Variants in TMEM129 observed in about 807,000 individuals in gnomAD.
TMEM129 encodes the protein transmembrane protein 129, E3 ubiquitin ligase, also known as E3 ubiquitin-protein ligase TM129.
A neutral mutation model predicts 34.1 loss-of-function variants in TMEM129; 35 were observed. That is an observed-to-expected ratio of 1.03 (90% confidence interval 0.78 to 1.36). The LOEUF is 1.36. Ranked by LOEUF, TMEM129 falls within the 40% of genes most tolerant of loss-of-function variation. The pLI, the probability that TMEM129 is intolerant of heterozygous loss-of-function variation, is 0.00. For missense variants in TMEM129, 504 were observed against 512.6 expected, an observed-to-expected ratio of 0.98 and a Z score of 0.16; for synonymous variants, 239 against 217.3, an observed-to-expected ratio of 1.10 and a Z score of -0.88.
chr4:1,718,932 C>A (rs1717127728), intron 1 of TMEM129: 24 of 1,266,550 alleles, frequency 1.9e-5, no homozygotes, highest in South Asian at 1.1e-4. Context: ...GCAGAGCTGA[C>A]CCCTGGCCTG....
At chr4:1,719,884 C>T (rs956846117) in intron 1 of TMEM129, among the ~76,000 whole-genome samples, 1 of 152,216 alleles carries the variant, frequency 6.6e-6, no homozygotes, top group African/African-American at 2.4e-5. Context: ...CATCCTCAAA[C>T]CAGGATGTGG....
chr4:1,718,522 G>A lies in TMEM129; in HGVS notation c.310C>T (p.Pro104Ser), dbSNP rs377429551. 5 of 1,525,972 alleles carry A rather than the reference G, an allele frequency of 3.3e-6. No homozygotes were observed. In the African/African-American group the frequency reaches 4.1e-5, roughly 13 times the overall value. The allele number at this position is 1,525,972 out of a possible 1,614,324, so 94.5% of individuals were successfully genotyped here. ...TAGATCAGGATGCAGGCGATGGAGG[G>A]GAGGGTCACGGCCAGCAGCAGGAAG... ...RLFLLLAVTL[P>S]SIACILIYYW... Residue 104 changes from proline to serine, a missense_variant, in exon 2 of 4, where the codon CCC (proline) becomes TCC (serine). Transcript: ENST00000382936.
In TMEM129 at chr4:1,717,267, C is replaced by T. The variant is rs1461772228; in HGVS notation, c.1002G>A (p.Leu334=). The change falls in exon 4 of 4, where the codon CTG becomes CTA. Residue 334 remains leucine, a synonymous_variant. Transcript: ENST00000382936. ...GKWFASRQDP[L]RPDTWLASRV... is the part of the protein sequence containing the mutation. ...GGCTGGCCAGCCAGGTGTCAGGGCGCAGGGGGTCCTGGCGGCTGGCGAACC... is the reference window on the plus strand; with the variant it reads ...GGCTGGCCAGCCAGGTGTCAGGGCGTAGGGGGTCCTGGCGGCTGGCGAACC... The T allele has an allele frequency of 1.3e-6, 2 of 1,528,486 alleles. No homozygotes were observed. The highest frequency in any genetic ancestry group is 1.7e-4 in the Middle Eastern group (1 of 5,790). The allele number at this position is 1,528,486 out of a possible 1,614,324, so 94.7% of individuals were successfully genotyped here.
At position 1,720,674 on chromosome 4, in the gene TMEM129, C is replaced by T; in HGVS notation, c.164G>A (p.Arg55His). 1 of 1,548,732 alleles carries T rather than the reference C, an allele frequency of 6.5e-7. No homozygotes were observed. The highest frequency in any genetic ancestry group is 1.2e-5 in the South Asian group (1 of 84,186). ...GTGGCACAACAGCGTGGCGGCCGTG[C>T]GGCGCAAGTGGAAGGGCACGAAGGC... The part of the protein sequence containing the change: ...DAAFVPFHLR[R>H]TAATLLCHSL... The change falls in exon 1 of 4, where the codon CGC becomes CAC. Residue 55 changes from arginine to histidine, a missense_variant. Coordinates refer to ENST00000382936, the MANE Select transcript of TMEM129 (RefSeq NM_001127266.2). The surrounding 1 kb of genome is among the most constrained non-coding windows in gnomAD (Gnocchi z 4.4).
At position 1,718,564 on chromosome 4, in the gene TMEM129, G is replaced by C. The variant is rs1045025524; in HGVS notation, c.268C>G (p.Pro90Ala). 6.7e-7 allele frequency: 1 copy of C among 1,483,730 alleles called. No homozygotes were observed. Among genetic ancestry groups the C allele is most frequent in the Non-Finnish European group, 9.0e-7 (1 of 1,114,594 alleles). The allele number at this position is 1,483,730 out of a possible 1,614,324, so 91.9% of individuals were successfully genotyped here. A position where few individuals can be genotyped will look rare whatever the true frequency, so the allele number is the denominator to read the frequency against. ...EKRLHALSQA[P>A]EAWRLFLLLA... Reference sequence around the variant, plus strand: ...AGCAGGAAGAGCCGCCAGGCCTCAGGGGCCTGGCTGAGGGCGTGGAGCCGC... The same window carrying C: ...AGCAGGAAGAGCCGCCAGGCCTCAGCGGCCTGGCTGAGGGCGTGGAGCCGC... The change falls in exon 2 of 4, where the codon CCT becomes GCT. Residue 90 changes from proline to alanine, a missense_variant. Physicochemically the swap from Pro to Ala is conservative, Grantham distance 27. Coordinates refer to ENST00000382936, the MANE Select transcript of TMEM129 (RefSeq NM_001127266.2).
chr4:1,718,108 C>A (rs377498354), intron 2 of TMEM129, 44 bp downstream of exon 2: 88 of 1,480,612 alleles, frequency 5.9e-5, no homozygotes, highest in Non-Finnish European at 7.8e-5. Flanking sequence ...CTGGCTCTGG[C>A]CTGCCATGTG....
Position 1,721,136 on chromosome 4 carries a change from C to T in TMEM129, c.-299G>A. On this transcript the variant is annotated 5_prime_UTR_variant, in exon 1 of 4. Transcript: ENST00000382936. ...CGCTCGCGGGGCGCTCTGGGAGATG[C>T]AGTCCCCGTGCGGGTGCGGCCTCTC... The T allele has an allele frequency of 8.5e-6, 2 of 236,646 alleles. No individual in the cohort carries two copies. Among genetic ancestry groups the T allele is most frequent in the Admixed American group, 5.8e-5 (1 of 17,286 alleles). 14.7% of individuals were successfully genotyped at this position (236,646 alleles called of 1,614,324 possible).
At position 1,720,494 on chromosome 4, in the gene TMEM129, T is replaced by C; in HGVS notation, c.205+139A>G. The C allele has an allele frequency of 8.7e-7, 1 of 1,154,778 alleles. No homozygotes were observed. The allele number at this position is 1,154,778 out of a possible 1,614,324, so 71.5% of individuals were successfully genotyped here. ...CGCGCTCAGCCCACGCCGCGGTCCC[T>C]CTGGATGAGGACCGGCGCCTCTCCC... On this transcript the variant is annotated intron_variant, in intron 1 of 3. Coordinates refer to ENST00000382936, the MANE Select transcript of TMEM129 (RefSeq NM_001127266.2). The surrounding 1 kb of genome is among the most constrained non-coding windows in gnomAD (Gnocchi z 4.4).
At chr4:1,719,753 C>A (rs988205996) in intron 1 of TMEM129, among the ~76,000 whole-genome samples, 1 of 152,146 alleles carries the variant, frequency 6.6e-6, no homozygotes, top group South Asian at 2.1e-4. Context: ...CTGGTCAGGG[C>A]CCCAGCCCCA....
chr4:1,719,760 C>T (rs1717183465), intron 1 of TMEM129, among the ~76,000 whole-genome samples: 1 of 152,138 alleles, frequency 6.6e-6, no homozygotes, highest in Non-Finnish European at 1.5e-5. Flanking sequence ...GGGCCCCAGC[C>T]CCACTCAGCC....
intron 1 of TMEM129, chr4:1,719,149 C>G: frequency 1.2e-6 from 1 of 860,486 alleles, no homozygotes; most frequent in Non-Finnish European, 1.7e-6. Flanking sequence ...TCCAAATAAG[C>G]CATGGAGATG....
In TMEM129 at chr4:1,718,220, G is replaced by C; in HGVS notation, c.612C>G (p.Asn204Lys). ...GGATGGTGAGGAGCTGCACGGGCAA[G>C]TTCGAGTCTGGCGAGAGCTCATGCT... ...SRQHELSPDS[N>K]LPVQLLTIRV... The change falls in exon 2 of 4, where the codon AAC becomes AAG. Residue 204 changes from asparagine (N) to lysine (K), a missense_variant. Coordinates refer to ENST00000382936, the MANE Select transcript of TMEM129 (RefSeq NM_001127266.2). The C allele has an allele frequency of 1.9e-6, 3 of 1,599,186 alleles. No homozygotes were observed. The highest frequency in any genetic ancestry group is 1.7e-6 in the Non-Finnish European group (2 of 1,172,916).
chr4:1,719,268 T>C (rs999956024), intron 1 of TMEM129: 7 of 456,730 alleles, frequency 1.5e-5, no homozygotes, highest in Middle Eastern at 3.2e-4. Context: ...AATAGGTAAC[T>C]AGGGGCCGGG....
chr4:1,720,786 A>T lies in TMEM129; in HGVS notation c.52T>A (p.Cys18Ser), dbSNP rs1338957868. The change falls in exon 1 of 4, where the codon TGC becomes AGC. Residue 18 changes from cysteine (C) to serine (S), a missense_variant. Transcript: ENST00000382936. This position sits in a 1 kb window ranked among gnomAD's most constrained non-coding sequence, Gnocchi z 4.4. ...FTLAYLVFAV[C>S]FVFTPNEFHA... ...AACTCGTTGGGCGTGAACACGAAGC[A>T]CACGGCGAACACCAGATAGGCGAGA... 6.3e-7 allele frequency: 1 copy of T among 1,595,362 alleles called. No individual in the cohort carries two copies. The highest frequency in any genetic ancestry group is 8.5e-7 in the Non-Finnish European group (1 of 1,172,198).
At position 1,718,033 on chromosome 4, in the gene TMEM129, G is replaced by A. The variant is rs535048528; in HGVS notation, c.680+119C>T. 6 of 956,470 alleles carry A rather than the reference G, an allele frequency of 6.3e-6. 1 individual carries two copies. The African/African-American group carries it at 9.9e-5, about 16-fold the overall frequency. 59.2% of individuals were successfully genotyped at this position (956,470 alleles called of 1,614,324 possible). A position where few individuals can be genotyped will look rare whatever the true frequency, so the allele number is the denominator to read the frequency against. ...GGACACCTTGCCTGGTGTCACACAAGCCCAGGAGTGTTGGAGTCCACACCA... is the reference window on the plus strand; with the variant it reads ...GGACACCTTGCCTGGTGTCACACAAACCCAGGAGTGTTGGAGTCCACACCA... On this transcript the variant is annotated intron_variant, in intron 2 of 3. Coordinates refer to ENST00000382936, the MANE Select transcript of TMEM129 (RefSeq NM_001127266.2).
In TMEM129 at chr4:1,720,408, G is replaced by A. The variant is rs1717241548; in HGVS notation, c.205+225C>T. Reference sequence around the variant, plus strand: ...GACTTGGTGGGCCGGAGCATCCCTTGCCCAAGGTTCTGAACTTGGGTTCCC... The same window carrying A: ...GACTTGGTGGGCCGGAGCATCCCTTACCCAAGGTTCTGAACTTGGGTTCCC... On this transcript the variant is annotated intron_variant, in intron 1 of 3. Coordinates refer to ENST00000382936, the MANE Select transcript of TMEM129 (RefSeq NM_001127266.2). This position sits in a 1 kb window ranked among gnomAD's most constrained non-coding sequence, Gnocchi z 4.4. Among the ~76,000 whole-genome samples, 1 of 152,258 alleles carries A rather than the reference G, an allele frequency of 6.6e-6. No individual in the cohort carries two copies.
At position 1,717,084 on chromosome 4, in the gene TMEM129, A is replaced by G; in HGVS notation, c.*96T>C. The G allele has an allele frequency of 7.4e-7, 1 of 1,358,794 alleles. No individual in the cohort carries two copies. Among genetic ancestry groups the G allele is most frequent in the Non-Finnish European group, 9.5e-7 (1 of 1,050,990 alleles). The allele number at this position is 1,358,794 out of a possible 1,614,324, so 84.2% of individuals were successfully genotyped here. A position where few individuals can be genotyped will look rare whatever the true frequency, so the allele number is the denominator to read the frequency against. On this transcript the variant is annotated 3_prime_UTR_variant, in exon 4 of 4. Coordinates refer to ENST00000382936, the MANE Select transcript of TMEM129 (RefSeq NM_001127266.2). ...GAGTTGCTCTACATCATGTGCTTTA[A>G]GTAGAGCCCTTTGCCAGCCAGGAGG...
rs1330590168 is a variant in TMEM129 at position 1,716,140 on chromosome 4, G to A, written c.*1040C>T. On this transcript the variant is annotated 3_prime_UTR_variant, in exon 4 of 4. Transcript: ENST00000382936. ...GGCCCCTGCTGCCTTCACCTGCTGAGCGCTCTAGGAAGCCTCCCAAATCCC... is the reference window on the plus strand; with the variant it reads ...GGCCCCTGCTGCCTTCACCTGCTGAACGCTCTAGGAAGCCTCCCAAATCCC... 3.3e-5 allele frequency: 5 copies of A among 152,292 alleles called. No individual in the cohort carries two copies. The highest frequency in any genetic ancestry group is 7.3e-5 in the Non-Finnish European group (5 of 68,094). 9.4% of individuals were successfully genotyped at this position (152,292 alleles called of 1,614,324 possible). A position where few individuals can be genotyped will look rare whatever the true frequency, so the allele number is the denominator to read the frequency against.
chr4:1,720,494 T>A lies in TMEM129; in HGVS notation c.205+139A>T. ...CGCGCTCAGCCCACGCCGCGGTCCC[T>A]CTGGATGAGGACCGGCGCCTCTCCC... On this transcript the variant is annotated intron_variant, in intron 1 of 3. Coordinates refer to ENST00000382936, the MANE Select transcript of TMEM129 (RefSeq NM_001127266.2). This position sits in a 1 kb window ranked among gnomAD's most constrained non-coding sequence, Gnocchi z 4.4. 8.7e-7 allele frequency: 1 copy of A among 1,154,776 alleles called. No homozygotes were observed. The highest frequency in any genetic ancestry group is 1.2e-6 in the Non-Finnish European group (1 of 848,652). 71.5% of individuals were successfully genotyped at this position (1,154,776 alleles called of 1,614,324 possible).
Sources: gnomAD v4.1 joint callset for allele counts (sites outside exome capture counted in the v4.1 genomes callset) on GRCh38, gnomAD v4.1.1 for gene constraint, Gnocchi (gnomAD v3.1) non-coding constraint, MANE v1.5 for transcripts, NCBI Gene and HGNC (gene_info 2026-07-23, HGNC 2026-07-21) for gene names.